The following CNOT4 variants were observed in gnomAD, a reference collection of about 807,000 sequenced individuals.
CNOT4 encodes the protein CCR4-associated factor 4.
Under a neutral mutation model 73.8 loss-of-function variants are expected in CNOT4, and 8 were observed. The ratio of observed to expected loss-of-function variants is 0.11; its 90% CI spans 0.06 to 0.20. The LOEUF is 0.20. Among genes scored for constraint, CNOT4 ranks in the 10% least tolerant of loss-of-function variants. The pLI is 1.00. For synonymous variants in CNOT4, 293 were observed against 321.1 expected (o/e 0.91, Z 0.94); for missense variants, 564 against 883.4 (o/e 0.64, Z 4.58).
intron 10 of CNOT4, among the ~76,000 whole-genome samples, chr7:135,380,306 G>GT (rs1159434058): frequency 6.6e-6 from 1 of 152,092 alleles, no homozygotes; most frequent in Non-Finnish European, 1.5e-5. Context: ...CAGTCTAGTG[G>GT]TTATGTGTGT....
intron 10 of CNOT4, among the ~76,000 whole-genome samples, chr7:135,393,488 GTAGA>G (rs1322921462): frequency 6.6e-6 from 1 of 152,080 alleles, no homozygotes; most frequent in African/African-American, 2.4e-5. Flanking sequence ...CCAAAAGTAG[GTAGA>G]GAGTGGCTTT....
rs545770156 is a variant in CNOT4, at chr7:135,376,305, G to A, written c.1628-12239C>T. On this transcript the variant is annotated intron_variant, in intron 10 of 11. Coordinates refer to ENST00000541284, the MANE Select transcript of CNOT4 (RefSeq NM_001190850.2). ...CTCTGTACCATTTTCTCTGGAGCTT[G>A]ATGCTATGACATTCTCTAACAGCCT... 3.9e-5 allele frequency among the ~76,000 whole-genome samples: 6 copies of A among 152,246 alleles called. No individual in the cohort carries two copies. In the East Asian group the frequency reaches 9.6e-4, roughly 24 times the overall value.
chr7:135,393,896 C>T, intron 10 of CNOT4, 22 bp downstream of exon 10: 9 of 1,551,486 alleles, frequency 5.8e-6, no homozygotes, highest in Non-Finnish European at 7.8e-6. Flanking sequence ...CAAAAATTCT[C>T]AAAGGTTTTA....
chr7:135,366,696 G>A (rs938594236), intron 10 of CNOT4, among the ~76,000 whole-genome samples: 6 of 152,198 alleles, frequency 3.9e-5, no homozygotes, highest in African/African-American at 1.4e-4. Context: ...AAGTGTTACA[G>A]GGAAGTAGAA....
chr7:135,388,919 A>C, intron 10 of CNOT4: 1 of 1,608,590 alleles, frequency 6.2e-7, no homozygotes, highest in Non-Finnish European at 8.5e-7. Context: ...GTCATGGTCT[A>C]GTTATGGGTG....
chr7:135,389,153 C>T (rs867793080), intron 10 of CNOT4, among the ~76,000 whole-genome samples: 36 of 72,058 alleles, frequency 5.0e-4, no homozygotes, highest in African/African-American at 2.1e-3. Context: ...TATAAACATA[C>T]TACCAAAAAA....
intron 10 of CNOT4, among the ~76,000 whole-genome samples, chr7:135,385,564 C>T (rs1398209589): frequency 1.3e-5 from 2 of 151,768 alleles, no homozygotes; most frequent in Non-Finnish European, 2.9e-5. Context: ...TACTTAATTC[C>T]CAGGATGCTA....
chr7:135,468,404 G>T (rs1292817307), intron 1 of CNOT4, among the ~76,000 whole-genome samples: 1 of 152,064 alleles, frequency 6.6e-6, no homozygotes, highest in East Asian at 1.9e-4. Context: ...ATCTCAGCTG[G>T]GCGTGGTGGC....
intron 2 of CNOT4, among the ~76,000 whole-genome samples, chr7:135,424,814 CA>C (rs891671321): frequency 1.7e-4 from 26 of 150,832 alleles, no homozygotes; most frequent in African/African-American, 1.5e-4. Context: ...AACAAACAAA[CA>C]AAAAAAAACA....
At chr7:135,502,969 A>C (rs1291360471) in intron 1 of CNOT4, among the ~76,000 whole-genome samples, 2 of 151,950 alleles carry the variant, frequency 1.3e-5, no homozygotes, top group Non-Finnish European at 2.9e-5. Context: ...CCTGGCCAAC[A>C]TGGTGAAACC....
At chr7:135,418,180 T>C (rs1797974248) in intron 3 of CNOT4, among the ~76,000 whole-genome samples, 1 of 152,212 alleles carries the variant, frequency 6.6e-6, no homozygotes, top group Non-Finnish European at 1.5e-5. Context: ...AAGCGGTTGA[T>C]AAGAAATAGG....
At chr7:135,390,742 A>C (rs1348861425) in intron 10 of CNOT4, among the ~76,000 whole-genome samples, 2 of 152,158 alleles carry the variant, frequency 1.3e-5, no homozygotes, top group Non-Finnish European at 2.9e-5. Context: ...ATTTAAGTAC[A>C]AATGTATAGT....
intron 2 of CNOT4, among the ~76,000 whole-genome samples, chr7:135,433,420 G>A: frequency 7.3e-6 from 1 of 136,746 alleles, no homozygotes; most frequent in Non-Finnish European, 1.5e-5. Context: ...GCAGTGGCAT[G>A]AACATGGCTC....
At chr7:135,375,277 A>G (rs1270117831) in intron 10 of CNOT4, among the ~76,000 whole-genome samples, 1 of 152,202 alleles carries the variant, frequency 6.6e-6, no homozygotes, top group Non-Finnish European at 1.5e-5. Flanking sequence ...TTAAGTGTGG[A>G]ATGGTTCAAA....
chr7:135,366,129 C>T (rs1794900091), intron 10 of CNOT4, among the ~76,000 whole-genome samples: 1 of 152,152 alleles, frequency 6.6e-6, no homozygotes, highest in Admixed American at 6.5e-5. Flanking sequence ...TGGCTAATGT[C>T]CCTAAGAAGT....
chr7:135,462,141 G>A (rs1217723123), intron 1 of CNOT4, among the ~76,000 whole-genome samples: 2 of 151,442 alleles, frequency 1.3e-5, no homozygotes, highest in African/African-American at 2.4e-5. Context: ...TTTTAAAAGA[G>A]AAAACAAAGA....
chr7:135,482,371 C>T (rs1410255059), intron 1 of CNOT4, among the ~76,000 whole-genome samples: 13 of 151,688 alleles, frequency 8.6e-5, no homozygotes, highest in Admixed American at 7.2e-4. Flanking sequence ...GCCTGGGCAA[C>T]ATGCAGAGAC....
At chr7:135,376,438 T>A (rs1423302436) in intron 10 of CNOT4, among the ~76,000 whole-genome samples, 1 of 152,188 alleles carries the variant, frequency 6.6e-6, no homozygotes, top group Non-Finnish European at 1.5e-5. Context: ...GGACTGGCCA[T>A]TCCAAATGAA....
At chr7:135,447,097 C>T (rs73158942) in intron 1 of CNOT4, among the ~76,000 whole-genome samples, 5,633 of 140,616 alleles carry the variant, frequency 0.04, 917 homozygotes, top group Middle Eastern at 0.092. Context: ...TTGATGAATA[C>T]GTAAAAGAAA....
Sources: gnomAD v4.1 joint callset for allele counts (sites outside exome capture counted in the v4.1 genomes callset) on GRCh38, gnomAD v4.1.1 for gene constraint, MANE v1.5 for transcripts, NCBI Gene and HGNC (gene_info 2026-07-23, HGNC 2026-07-21) for gene names.